The following PARD3 variants were observed in gnomAD, a reference collection of about 807,000 sequenced individuals.
PARD3 encodes par-3 family cell polarity regulator.
Under a neutral mutation model 155.4 loss-of-function variants are expected in PARD3, and 75 were observed. That is an observed-to-expected ratio of 0.48 (90% confidence interval 0.40 to 0.58). The LOEUF is 0.58. PARD3 is among the 20% of genes least tolerant of loss of function. The pLI is 0.00. For missense variants in PARD3, 1,642 were observed against 1,721.7 expected, an observed-to-expected ratio of 0.95 and a Z score of 0.82; for synonymous variants, 576 against 610.5, an observed-to-expected ratio of 0.94 and a Z score of 0.83.
At chr10:34,364,938 T>C (rs564248039) in intron 12 of PARD3, among the ~76,000 whole-genome samples, 76 of 152,332 alleles carry the variant, frequency 5.0e-4, no homozygotes, top group African/African-American at 1.8e-3. Flanking sequence ...GCTCCATATA[T>C]TTTCTTCAAA....
At chr10:34,554,955 T>C (rs2133999307) in intron 2 of PARD3, among the ~76,000 whole-genome samples, 1 of 152,308 alleles carries the variant, frequency 6.6e-6, no homozygotes, top group Non-Finnish European at 1.5e-5. Context: ...GTCTTTTAGG[T>C]ACAGAAATTC....
chr10:34,789,734 TATTTATATATAC>T (rs1254931361), intron 1 of PARD3, among the ~76,000 whole-genome samples: 1 of 131,902 alleles, frequency 7.6e-6, no homozygotes, highest in Middle Eastern at 3.8e-3. Flanking sequence ...TAAGCATTTG[TATTTATATATAC>T]ACAAACAAAC....
chr10:34,782,990 G>A (rs1487343028), intron 1 of PARD3, among the ~76,000 whole-genome samples: 1 of 152,116 alleles, frequency 6.6e-6, no homozygotes, highest in African/African-American at 2.4e-5. Flanking sequence ...CTCTCAAAGT[G>A]CTAGGATTAC....
intron 4 of PARD3, among the ~76,000 whole-genome samples, chr10:34,455,218 G>A (rs1209322385): frequency 6.6e-6 from 1 of 151,946 alleles, no homozygotes; most frequent in Non-Finnish European, 1.5e-5. Context: ...TTTTTTTTAA[G>A]AATTATGAGA....
At chr10:34,237,613 A>T (rs577717501) in intron 22 of PARD3, among the ~76,000 whole-genome samples, 1 of 152,212 alleles carries the variant, frequency 6.6e-6, no homozygotes. Context: ...TTCCTGACAC[A>T]TCTTTTGATT....
In PARD3 at chr10:34,736,677, T is replaced by A. The variant is rs1362135358; in HGVS notation, c.121-40258A>T. Among the ~76,000 whole-genome samples the A allele has an allele frequency of 2.6e-3, 394 of 151,648 alleles. 2 individuals are homozygous for A. The highest frequency in any genetic ancestry group is 9.1e-3 in the African/African-American group (376 of 41,308). ...TAATTTATTTATTTATTTATTTATT[T>A]ATTTATTTATTTACTGAGACAGAGT... is the stretch of plus-strand genomic sequence containing the variant. On this transcript the variant is annotated intron_variant, in intron 1 of 24. Transcript: ENST00000374788.
At chr10:34,756,150 CTT>C (rs58993670) in intron 1 of PARD3, among the ~76,000 whole-genome samples, 8 of 94,552 alleles carry the variant, frequency 8.5e-5, no homozygotes, top group South Asian at 8.1e-4. Flanking sequence ...AAAAATGCAC[CTT>C]TTTTTTTTTT....
At chr10:34,606,692 G>T (rs2090481903) in intron 2 of PARD3, among the ~76,000 whole-genome samples, 1 of 150,626 alleles carries the variant, frequency 6.6e-6, no homozygotes, top group Non-Finnish European at 1.5e-5. Context: ...AGCTCTGGCT[G>T]GGCATGGTGG....
intron 15 of PARD3, among the ~76,000 whole-genome samples, chr10:34,347,145 G>A (rs1228465003): frequency 6.6e-6 from 1 of 152,200 alleles, no homozygotes; most frequent in Non-Finnish European, 1.5e-5. Context: ...TTAAATGAGA[G>A]CCTTGCAAAA....
At chr10:34,520,104 A>C (rs1032657804) in intron 2 of PARD3, among the ~76,000 whole-genome samples, 1 of 152,182 alleles carries the variant, frequency 6.6e-6, no homozygotes, top group African/African-American at 2.4e-5. Flanking sequence ...GAATGTACAG[A>C]ATATGAGTAG....
chr10:34,559,497 A>C (rs892144558), intron 2 of PARD3, among the ~76,000 whole-genome samples: 21 of 152,124 alleles, frequency 1.4e-4, no homozygotes, highest in African/African-American at 5.1e-4. Context: ...GGCCTTTCAC[A>C]GTATTTCCTA....
rs189250628 is a variant in PARD3, at chr10:34,487,535, C to T, written c.404-17272G>A. On this transcript the variant is annotated intron_variant, in intron 3 of 24. Coordinates refer to ENST00000374788, the MANE Select transcript of PARD3 (RefSeq NM_001184785.2). ...AGAAACAATTACAGATGTTGGAAGG[C>T]CCCAGAGAACAAAAAAAAGGGTTTT... Among the ~76,000 whole-genome samples, 465 of 151,884 alleles carry T rather than the reference C, an allele frequency of 3.1e-3. 7 individuals carry two copies. Among genetic ancestry groups the T allele is most frequent in the African/African-American group, 0.011 (443 of 41,436 alleles).
chr10:34,666,734 T>C (rs553065265), intron 2 of PARD3, among the ~76,000 whole-genome samples: 7 of 128,352 alleles, frequency 5.5e-5, no homozygotes, highest in African/African-American at 2.0e-4. Flanking sequence ...AAACCAGACC[T>C]TGATTTGCAT....
intron 7 of PARD3, among the ~76,000 whole-genome samples, chr10:34,396,269 G>C (rs1269468765): frequency 1.3e-5 from 2 of 152,136 alleles, no homozygotes; most frequent in African/African-American, 2.4e-5. Flanking sequence ...AGAATTGCTT[G>C]AACCCGGGAA....
chr10:34,814,822 C>A, intron 1 of PARD3, 54 bp downstream of exon 1: 1 of 1,302,468 alleles, frequency 7.7e-7, no homozygotes, highest in Non-Finnish European at 1.0e-6. Flanking sequence ...CCATATTGAT[C>A]CCGGCGCCGT....
intron 2 of PARD3, among the ~76,000 whole-genome samples, chr10:34,691,439 A>T (rs908514545): frequency 6.6e-6 from 1 of 152,242 alleles, no homozygotes; most frequent in African/African-American, 2.4e-5. Context: ...CAAAGAAACC[A>T]GATATGATAT....
At chr10:34,478,405 G>A (rs558793570) in intron 3 of PARD3, among the ~76,000 whole-genome samples, 1 of 152,272 alleles carries the variant, frequency 6.6e-6, no homozygotes, top group African/African-American at 2.4e-5. Context: ...AGTACAAGAT[G>A]CCTATATGTT....
intron 1 of PARD3, among the ~76,000 whole-genome samples, chr10:34,766,507 T>C (rs1838112946): frequency 6.6e-6 from 1 of 150,838 alleles, no homozygotes; most frequent in African/African-American, 2.4e-5. Flanking sequence ...GATTCGAAAC[T>C]CCTGAGGCAA....
At chr10:34,239,618 C>G (rs1233460144) in intron 22 of PARD3, among the ~76,000 whole-genome samples, 1 of 151,966 alleles carries the variant, frequency 6.6e-6, no homozygotes, top group Non-Finnish European at 1.5e-5. Flanking sequence ...CCTGACCAAC[C>G]TGGTAAAACT....
Sources: gnomAD v4.1 joint callset for allele counts (sites outside exome capture counted in the v4.1 genomes callset) on GRCh38, gnomAD v4.1.1 for gene constraint, MANE v1.5 for transcripts, NCBI Gene and HGNC (gene_info 2026-07-23, HGNC 2026-07-21) for gene names.